Variants in MMRN2 observed in about 807,000 individuals in gnomAD.
MMRN2 encodes multimerin 2.
MMRN2 carries 53 observed loss-of-function variants against 68.8 expected under a neutral mutation model. That is an observed-to-expected ratio of 0.77 (90% CI 0.62 to 0.97). The LOEUF (loss-of-function observed/expected upper bound fraction) is 0.97, where lower values mean the gene tolerates loss of function less well. Ranked by LOEUF, MMRN2 falls within the 50% of genes least tolerant of loss-of-function variation. The pLI is 0.00. For synonymous variants in MMRN2, 564 were observed against 551.6 expected (o/e 1.02, Z -0.32); for missense variants, 1,266 against 1,259.5 (o/e 1.01, Z -0.08).
rs140409255 is a variant in MMRN2 at position 86,937,932 on chromosome 10, T to G, written c.2468-807A>C. 5.1e-4 allele frequency among the ~76,000 whole-genome samples: 78 copies of G among 151,468 alleles called. No individual in the cohort carries two copies. The East Asian group carries it at 0.012, about 23-fold the overall frequency. On this transcript the variant is annotated intron_variant, in intron 6 of 6. Transcript: ENST00000372027. The stretch of plus-strand genomic sequence containing the variant: ...GTGGAGCCAGGGAAGAGAAGCCCCT[T>G]CAAGCTGGTCTTCTTTTTTTTAGTT...
rs998946334 is a variant in MMRN2, at chr10:86,937,047, A to T, written c.2546T>A (p.Ile849Asn). 7 of 1,614,198 alleles carry T rather than the reference A, an allele frequency of 4.3e-6. No individual in the cohort carries two copies. The highest frequency in any genetic ancestry group is 5.9e-6 in the Non-Finnish European group (7 of 1,180,030). The change falls in exon 7 of 7, where the codon ATC becomes AAC. Residue 849 changes from isoleucine to asparagine, a missense_variant. Ile to Asn is a moderately radical substitution (Grantham distance 149). Coordinates refer to ENST00000372027, the MANE Select transcript of MMRN2 (RefSeq NM_024756.3). ...AGGGAAGTAGCTGCTGCCAATGTTG[A>T]TGTATGTGGTGTTGAACTTCACTGT... ...LQTVKFNTTY[I>N]NIGSSYFPEH...
Position 86,942,402 on chromosome 10 carries a change from C to T in MMRN2, c.2382G>A (p.Arg794=). 1 of 1,614,222 alleles carries T rather than the reference C, an allele frequency of 6.2e-7. No individual in the cohort carries two copies. The highest frequency in any genetic ancestry group is 8.5e-7 in the Non-Finnish European group (1 of 1,180,032). Residue 794 remains arginine (R), a synonymous_variant, in exon 6 of 7, where the codon AGG becomes AGA. Coordinates refer to ENST00000372027, the MANE Select transcript of MMRN2 (RefSeq NM_024756.3). ...CCAAAGGCTCCGCTTCCTTCTTGTC[C>T]CTCTTCCGGGGAGCTTCCAGGTCTT... is the stretch of plus-strand genomic sequence containing the variant. ...QQKDLEAPRK[R]DKKEAEPLVD...
intron 6 of MMRN2, among the ~76,000 whole-genome samples, chr10:86,938,632 C>G (rs1843913075): frequency 6.6e-6 from 1 of 152,222 alleles, no homozygotes; most frequent in Non-Finnish European, 1.5e-5. Flanking sequence ...GGTTCCTCAA[C>G]TTGCTCCCTC....
chr10:86,957,396 C>T lies in MMRN2; in HGVS notation c.146G>A (p.Gly49Asp), dbSNP rs573069934. ...GVWKAEAEDTGKDPVGRNWCP... is the reference protein window; with the variant it reads ...GVWKAEAEDTDKDPVGRNWCP... ...CTCTTACCGTCCTACGGGGTCCTTG[C>T]CGGTGTCCTCAGCCTCTGCCTTCCA... is the stretch of plus-strand genomic sequence containing the variant. Residue 49 changes from glycine (G) to aspartate (D), a missense_variant, in exon 1 of 7, where the codon GGC becomes GAC. Gly to Asp is a moderately conservative substitution (Grantham distance 94). Transcript: ENST00000372027. The T allele has an allele frequency of 1.2e-6, 2 of 1,613,404 alleles. No individual in the cohort carries two copies. The highest frequency in any genetic ancestry group is 3.3e-5 in the Admixed American group (2 of 60,028).
At chr10:86,954,493 G>C (rs1394558830) in intron 1 of MMRN2, among the ~76,000 whole-genome samples, 1 of 152,140 alleles carries the variant, frequency 6.6e-6, no homozygotes, top group African/African-American at 2.4e-5. Context: ...CCTGTGGGAG[G>C]GGGAGGGCGC....
Position 86,942,882 on chromosome 10 carries a change from G to A in MMRN2, c.1902C>T (p.Tyr634=), listed in dbSNP as rs759255544. ...EQTPGPLPLS[Y]EQIRVALQDA... Reference sequence around the variant, plus strand: ...CCTGCAGGGCCACGCGGATCTGCTCGTAGCTCAGGGGCAGCGGTCCCGGCG... The same window carrying A: ...CCTGCAGGGCCACGCGGATCTGCTCATAGCTCAGGGGCAGCGGTCCCGGCG... Residue 634 remains tyrosine (Y), a synonymous_variant, in exon 6 of 7, where the codon TAC becomes TAT. Coordinates refer to ENST00000372027, the MANE Select transcript of MMRN2 (RefSeq NM_024756.3). The A allele has an allele frequency of 4.2e-6, 6 of 1,442,764 alleles. No individual in the cohort carries two copies. The South Asian group carries it at 4.3e-5, about 10-fold the overall frequency. 89.4% of individuals were successfully genotyped at this position (1,442,764 alleles called of 1,614,324 possible). A position where few individuals can be genotyped will look rare whatever the true frequency, so the allele number is the denominator to read the frequency against.
At chr10:86,947,367 G>C (rs972332110) in intron 1 of MMRN2, among the ~76,000 whole-genome samples, 4 of 151,780 alleles carry the variant, frequency 2.6e-5, no homozygotes, top group Non-Finnish European at 4.4e-5. Flanking sequence ...CGGGGGATTC[G>C]AGTGACTTTT....
In MMRN2 at chr10:86,936,885, C is replaced by A. The variant is rs1260594129; in HGVS notation, c.2708G>T (p.Gly903Val). 1.2e-6 allele frequency: 2 copies of A among 1,614,206 alleles called. No individual in the cohort carries two copies. The highest frequency in any genetic ancestry group is 4.5e-5 in the East Asian group (2 of 44,884). The change falls in exon 7 of 7, where the codon GGG (glycine) becomes GTG (valine). Residue 903 changes from glycine (G) to valine (V), a missense_variant. Physicochemically the swap from Gly to Val is moderately radical, Grantham distance 109. Transcript: ENST00000372027. ...AAAGACCGTTGCTGTGCTTCCACTC[C>A]CCTGCCCAGTGGTACAGACTGGAGT... ...HRTPVCTTGQ[G>V]SGSTATVFAM...
chr10:86,947,232 G>T (rs1844082714), intron 1 of MMRN2, among the ~76,000 whole-genome samples: 1 of 152,178 alleles, frequency 6.6e-6, no homozygotes, highest in Non-Finnish European at 1.5e-5. Context: ...CTCTTAGAAA[G>T]CAGCATTCAG....
chr10:86,948,080 G>A (rs1490137512), intron 1 of MMRN2, among the ~76,000 whole-genome samples: 1 of 152,060 alleles, frequency 6.6e-6, no homozygotes, highest in Non-Finnish European at 1.5e-5. Flanking sequence ...CAAAAAATTA[G>A]CCAGGTGTGG....
At chr10:86,950,090 T>C (rs1046257213) in intron 1 of MMRN2, among the ~76,000 whole-genome samples, 6 of 151,940 alleles carry the variant, frequency 3.9e-5, no homozygotes, top group African/African-American at 1.5e-4. Context: ...CTCATGCCTG[T>C]AATCCCAGCA....
intron 1 of MMRN2, among the ~76,000 whole-genome samples, chr10:86,946,519 C>T (rs1322783634): frequency 6.6e-6 from 1 of 152,196 alleles, no homozygotes; most frequent in Admixed American, 6.5e-5. Context: ...CTCAGCATCC[C>T]GCACACCTGA....
chr10:86,957,098 C>T (rs570056400), intron 1 of MMRN2, among the ~76,000 whole-genome samples: 1 of 152,350 alleles, frequency 6.6e-6, no homozygotes, highest in East Asian at 1.9e-4. Flanking sequence ...TCCCCCAGTG[C>T]CCCATGCTGG....
chr10:86,940,837 C>A (rs1324520289), intron 6 of MMRN2, among the ~76,000 whole-genome samples: 1 of 152,216 alleles, frequency 6.6e-6, no homozygotes, highest in Non-Finnish European at 1.5e-5. Context: ...CAGCCTCTGG[C>A]AGAGAGAGTC....
chr10:86,953,439 A>G (rs1173001447), intron 1 of MMRN2, among the ~76,000 whole-genome samples: 8 of 152,164 alleles, frequency 5.3e-5, no homozygotes. Flanking sequence ...AATCTTCACA[A>G]TTTATGTTCC....
rs766147678 is a variant in MMRN2 at position 86,943,152 on chromosome 10, C to A, written c.1632G>T (p.Ser544=). 1.9e-6 allele frequency: 3 copies of A among 1,596,428 alleles called. No homozygotes were observed. Among genetic ancestry groups the A allele is most frequent in the Middle Eastern group, 1.7e-4 (1 of 6,022 alleles). ...QALQNAVDAV[S]LAVDAHKAEG... is the part of the protein sequence containing the mutation. ...CCGCTTTGTGCGCGTCCACGGCCAG[C>A]GACACGGCGTCCACGGCGTTCTGCA... The change falls in exon 6 of 7, where the codon TCG becomes TCT. Residue 544 remains serine, a synonymous_variant. Transcript: ENST00000372027. The surrounding 1 kb of genome is among the most constrained non-coding windows in gnomAD (Gnocchi z 4.2).
intron 1 of MMRN2, among the ~76,000 whole-genome samples, chr10:86,957,173 C>A (rs1438514713): frequency 2.6e-5 from 4 of 152,234 alleles, no homozygotes; most frequent in Non-Finnish European, 5.9e-5. Flanking sequence ...GCCATGGCTC[C>A]GACAGGGAAC....
chr10:86,943,274 T>A lies in MMRN2; in HGVS notation c.1510A>T (p.Ile504Phe), dbSNP rs1844006035. ...CQKLYLDLDV[I>F]REGQRDATRA... ...GTGGCGTCCCTCTGGCCCTCCCGGA[T>A]GACGTCCAGGTCTAAATAGAGCTTC... Residue 504 changes from isoleucine to phenylalanine, a missense_variant, in exon 6 of 7, where the codon ATC becomes TTC. Transcript: ENST00000372027. The surrounding 1 kb of genome is among the most constrained non-coding windows in gnomAD (Gnocchi z 4.2). The A allele has an allele frequency of 3.7e-6, 6 of 1,613,408 alleles. No individual in the cohort carries two copies. The South Asian group carries it at 6.6e-5, about 18-fold the overall frequency.
chr10:86,957,349 G>T (rs1183801903), intron 1 of MMRN2, 29 bp downstream of exon 1: 2 of 1,610,856 alleles, frequency 1.2e-6, no homozygotes, highest in Non-Finnish European at 1.7e-6. Context: ...CCTACTCCAT[G>T]ACCTCTGCCA....
Sources: allele counts gnomAD v4.1 joint callset (sites outside exome capture counted in the v4.1 genomes callset), GRCh38; gene constraint gnomAD v4.1.1; non-coding constraint Gnocchi (gnomAD v3.1); transcripts MANE v1.5; gene names NCBI Gene and HGNC (gene_info 2026-07-23, HGNC 2026-07-21).